EPHA3: variants seen among roughly 807,000 people sequenced by gnomAD.
EPHA3 encodes the protein ephrin type-A receptor 3.
Under a neutral mutation model 107.1 loss-of-function variants are expected in EPHA3, and 42 were observed. The observed-to-expected ratio is 0.39, with a 90% confidence interval of 0.31 to 0.51. The LOEUF (loss-of-function observed/expected upper bound fraction) is 0.51. EPHA3 is among the 20% of genes least tolerant of loss of function. EPHA3 has a pLI of 0.78. For synonymous variants in EPHA3, 461 were observed against 424.8 expected, an observed-to-expected ratio of 1.09 and a Z score of -1.05; for missense variants, 1,183 against 1,211.2, an observed-to-expected ratio of 0.98 and a Z score of 0.35.
chr3:89,396,484 A>G (rs73846166), intron 6 of EPHA3, among the ~76,000 whole-genome samples: 4,977 of 152,274 alleles, frequency 0.033, 272 homozygotes, highest in African/African-American at 0.11. Context: ...TTTGCGTGAC[A>G]TAAAGTTGTG....
At position 89,381,982 on chromosome 3, in the gene EPHA3, A is replaced by T. The variant is rs111758300; in HGVS notation, c.1307-13855A>T. 1.4e-3 allele frequency among the ~76,000 whole-genome samples: 215 copies of T among 152,324 alleles called. 2 individuals carry two copies. The highest frequency in any genetic ancestry group is 0.014 in the Middle Eastern group (4 of 294). On this transcript the variant is annotated intron_variant, in intron 5 of 16. Coordinates refer to ENST00000336596, the MANE Select transcript of EPHA3 (RefSeq NM_005233.6). ...TATAGCAGCCCAAATAGATTAAGAC[A>T]AGAACTCTGGGTTTAAAGAGTGAGA...
intron 13 of EPHA3, among the ~76,000 whole-genome samples, chr3:89,440,648 T>C (rs765630702): frequency 2.6e-5 from 4 of 152,208 alleles, no homozygotes; most frequent in Admixed American, 6.5e-5. Flanking sequence ...GCAGAATCTT[T>C]CAAGAACAGG....
chr3:89,427,898 T>A (rs1709490460), intron 11 of EPHA3, among the ~76,000 whole-genome samples: 1 of 151,926 alleles, frequency 6.6e-6, no homozygotes, highest in African/African-American at 2.4e-5. Flanking sequence ...CAAAGCATCC[T>A]TTTTTTGGTA....
chr3:89,318,681 T>A (rs1471628818), intron 3 of EPHA3, among the ~76,000 whole-genome samples: 1 of 151,902 alleles, frequency 6.6e-6, no homozygotes, highest in South Asian at 2.1e-4. Context: ...AGAAACCTAA[T>A]TGTAGAACTT....
chr3:89,211,909 T>A (rs1290006613), intron 3 of EPHA3, among the ~76,000 whole-genome samples: 1 of 151,488 alleles, frequency 6.6e-6, no homozygotes, highest in Non-Finnish European at 1.5e-5. Context: ...TCTCTTTCAA[T>A]GACTGTTTAG....
At chr3:89,436,995 T>G (rs1013554058) in intron 13 of EPHA3, among the ~76,000 whole-genome samples, 5 of 152,210 alleles carry the variant, frequency 3.3e-5, no homozygotes, top group African/African-American at 1.2e-4. Flanking sequence ...ATATTTTCCA[T>G]TATACAATGT....
At chr3:89,331,812 G>A (rs747174693) in intron 3 of EPHA3, among the ~76,000 whole-genome samples, 2 of 152,090 alleles carry the variant, frequency 1.3e-5, no homozygotes, top group Non-Finnish European at 2.9e-5. Flanking sequence ...CTAATTTATA[G>A]TAAAGAGTAT....
intron 3 of EPHA3, among the ~76,000 whole-genome samples, chr3:89,317,498 C>G (rs1332805824): frequency 6.6e-6 from 1 of 151,758 alleles, no homozygotes; most frequent in Non-Finnish European, 1.5e-5. Flanking sequence ...TCACAACATA[C>G]TCCCTGATTC....
At chr3:89,110,796 C>A (rs1450265664) in intron 1 of EPHA3, among the ~76,000 whole-genome samples, 1 of 151,960 alleles carries the variant, frequency 6.6e-6, no homozygotes, top group Non-Finnish European at 1.5e-5. Context: ...AACATTGGAA[C>A]AAAGTTAAAA....
At chr3:89,268,163 A>G (rs2107292919) in intron 3 of EPHA3, among the ~76,000 whole-genome samples, 1 of 152,236 alleles carries the variant, frequency 6.6e-6, no homozygotes, top group Admixed American at 6.6e-5. Context: ...ATGCATTTAA[A>G]TGCCAAAAGA....
At chr3:89,135,497 A>C (rs1487867844) in intron 2 of EPHA3, among the ~76,000 whole-genome samples, 1 of 152,148 alleles carries the variant, frequency 6.6e-6, no homozygotes. Flanking sequence ...CAAATAAGAG[A>C]GCTAACAACG....
At chr3:89,283,976 A>C (rs1706010877) in intron 3 of EPHA3, among the ~76,000 whole-genome samples, 1 of 152,146 alleles carries the variant, frequency 6.6e-6, no homozygotes, top group Non-Finnish European at 1.5e-5. Context: ...ATACAGAGAC[A>C]TTTGTGCAGT....
chr3:89,238,152 A>G (rs1011072229), intron 3 of EPHA3, among the ~76,000 whole-genome samples: 3 of 152,188 alleles, frequency 2.0e-5, no homozygotes, highest in Admixed American at 6.5e-5. Context: ...AATAACGGGT[A>G]TTCACTATTC....
At chr3:89,467,182 T>G (rs1710299055) in intron 15 of EPHA3, among the ~76,000 whole-genome samples, 1 of 152,154 alleles carries the variant, frequency 6.6e-6, no homozygotes, top group Non-Finnish European at 1.5e-5. Context: ...ATTTTCCCCC[T>G]GAAATACATT....
intron 16 of EPHA3, among the ~76,000 whole-genome samples, chr3:89,478,199 T>C (rs1191718384): frequency 6.6e-6 from 1 of 152,238 alleles, no homozygotes; most frequent in African/African-American, 2.4e-5. Flanking sequence ...ATGCCTACTT[T>C]CTGACTTTAA....
At position 89,210,370 on chromosome 3, in the gene EPHA3, T is replaced by C. The variant is rs766846963; in HGVS notation, c.664T>C (p.Ser222Pro). The C allele has an allele frequency of 3.3e-5, 53 of 1,613,700 alleles. No individual in the cohort carries two copies. The highest frequency in any genetic ancestry group is 5.0e-5 in the Admixed American group (3 of 59,958). The change falls in exon 3 of 17, where the codon TCC (serine) becomes CCC (proline). Residue 222 changes from serine to proline, a missense_variant. Transcript: ENST00000336596. ...FPDTVPMDSQ[S>P]LVEVRGSCVN... ...AGACACGGTACCCATGGACTCCCAG[T>C]CCCTGGTGGAGGTTAGAGGGTCTTG...
chr3:89,355,340 A>G (rs1475720488), intron 5 of EPHA3, among the ~76,000 whole-genome samples: 1 of 151,228 alleles, frequency 6.6e-6, no homozygotes, highest in African/African-American at 2.4e-5. Flanking sequence ...TTTCTTTCCA[A>G]TTATATATTC....
chr3:89,334,538 C>T (rs1707354761), intron 3 of EPHA3, among the ~76,000 whole-genome samples: 1 of 152,160 alleles, frequency 6.6e-6, no homozygotes. Flanking sequence ...TAACATCTGT[C>T]ATTTTTTAAA....
At chr3:89,113,467 C>T (rs1283349865) in intron 1 of EPHA3, among the ~76,000 whole-genome samples, 1 of 101,120 alleles carries the variant, frequency 9.9e-6, no homozygotes, top group Non-Finnish European at 1.8e-5. Flanking sequence ...AGTTTGCCTC[C>T]TACCAGCTTC....
Sources: gnomAD v4.1 joint callset for allele counts (sites outside exome capture counted in the v4.1 genomes callset) on GRCh38, gnomAD v4.1.1 for gene constraint, MANE v1.5 for transcripts, NCBI Gene and HGNC (gene_info 2026-07-23, HGNC 2026-07-21) for gene names.